Variants in ANKRD28 observed in about 807,000 individuals in gnomAD.
ANKRD28 encodes the protein serine/threonine-protein phosphatase 6 regulatory ankyrin repeat subunit A.
ANKRD28 carries 44 observed loss-of-function variants against 126.5 expected under a neutral mutation model. That is an observed-to-expected ratio of 0.35 (90% CI 0.27 to 0.45). The LOEUF is 0.45. ANKRD28 is among the 20% of genes least tolerant of loss of function. ANKRD28 has a pLI of 1.00. For synonymous variants in ANKRD28, 442 were observed against 468.5 expected (o/e 0.94, Z 0.73); for missense variants, 1,110 against 1,316.6 (o/e 0.84, Z 2.43).
At chr3:15,792,309 A>C (rs1207287974) in intron 2 of ANKRD28, among the ~76,000 whole-genome samples, 1 of 152,202 alleles carries the variant, frequency 6.6e-6, no homozygotes, top group Non-Finnish European at 1.5e-5. Context: ...TAACATTTGG[A>C]GGCAACCTAA....
intron 1 of ANKRD28, 81 bp from the exon 2 acceptor site, chr3:15,795,387 A>G (rs2060230479): frequency 2.1e-6 from 2 of 972,322 alleles, no homozygotes; most frequent in Non-Finnish European, 3.2e-6. Context: ...TCTGGAATCT[A>G]CAAGTTTTCT....
At chr3:15,700,439 G>A (rs1436266589) in intron 14 of ANKRD28, among the ~76,000 whole-genome samples, 1 of 147,562 alleles carries the variant, frequency 6.8e-6, no homozygotes, top group Non-Finnish European at 1.5e-5. Flanking sequence ...ATGTACCCTA[G>A]AACTTAAAAG....
At position 15,761,105 on chromosome 3, in the gene ANKRD28, G is replaced by A. The variant is rs149409549; in HGVS notation, c.280+5129C>T. On this transcript the variant is annotated intron_variant, in intron 3 of 27. Transcript: ENST00000683139. ...ATATAGAACTCTTGCTATGGATATC[G>A]CAGTAGTTTTTAAAATACAAAATTA... Among the ~76,000 whole-genome samples the A allele has an allele frequency of 2.9e-3, 434 of 152,112 alleles. 2 individuals are homozygous for A. Among genetic ancestry groups the A allele is most frequent in the Admixed American group, 7.5e-3 (114 of 15,284 alleles).
chr3:15,766,131 T>C (rs2058724638), intron 3 of ANKRD28, 103 bp downstream of exon 3: 4 of 821,132 alleles, frequency 4.9e-6, no homozygotes, highest in Non-Finnish European at 5.7e-6. Flanking sequence ...ATAAAACAAA[T>C]ATGAACAACA....
At chr3:15,781,218 C>A (rs1007100764) in intron 2 of ANKRD28, among the ~76,000 whole-genome samples, 2 of 151,934 alleles carry the variant, frequency 1.3e-5, no homozygotes, top group African/African-American at 2.4e-5. Flanking sequence ...AGGCAAAGGA[C>A]CTGTCATGAC....
At chr3:15,707,536 C>T (rs1382012828) in intron 14 of ANKRD28, among the ~76,000 whole-genome samples, 1 of 152,168 alleles carries the variant, frequency 6.6e-6, no homozygotes, top group Non-Finnish European at 1.5e-5. Context: ...TACTTGTATT[C>T]CAACCTCTAC....
intron 14 of ANKRD28, among the ~76,000 whole-genome samples, chr3:15,696,716 T>G (rs548343457): frequency 6.6e-6 from 1 of 152,158 alleles, no homozygotes; most frequent in Admixed American, 6.5e-5. Flanking sequence ...AGGTCAGAAC[T>G]CAATGAATCT....
chr3:15,790,789 C>G (rs1300388431), intron 2 of ANKRD28, among the ~76,000 whole-genome samples: 1 of 151,982 alleles, frequency 6.6e-6, no homozygotes, highest in Non-Finnish European at 1.5e-5. Context: ...TCCTATCTAG[C>G]TCAATCAGAC....
chr3:15,694,399 A>G (rs1289029117), intron 17 of ANKRD28, among the ~76,000 whole-genome samples: 1 of 152,178 alleles, frequency 6.6e-6, no homozygotes, highest in Non-Finnish European at 1.5e-5. Context: ...TAGCCAACTT[A>G]TAAGGCATTC....
chr3:15,793,882 A>G (rs181675044), intron 2 of ANKRD28, among the ~76,000 whole-genome samples: 1 of 152,214 alleles, frequency 6.6e-6, no homozygotes, highest in South Asian at 2.1e-4. Context: ...CCTGGCCAAC[A>G]TGGTGAATGA....
At chr3:15,822,136 G>A (rs2060956278) in intron 1 of ANKRD28, among the ~76,000 whole-genome samples, 1 of 152,216 alleles carries the variant, frequency 6.6e-6, no homozygotes, top group South Asian at 2.1e-4. Flanking sequence ...GAAGACTCAT[G>A]AAGACCCTAA....
intron 14 of ANKRD28, among the ~76,000 whole-genome samples, chr3:15,701,330 T>G (rs2070571032): frequency 6.6e-6 from 1 of 152,120 alleles, no homozygotes; most frequent in African/African-American, 2.4e-5. Context: ...CTAAAATTCT[T>G]TGGAGTCAAG....
At chr3:15,709,182 G>C (rs116242538) in intron 13 of ANKRD28, among the ~76,000 whole-genome samples, 42 of 152,248 alleles carry the variant, frequency 2.8e-4, no homozygotes, top group African/African-American at 9.6e-4. Flanking sequence ...ATGTGTGTGA[G>C]AGATTTATAT....
chr3:15,780,030 A>T (rs1169914322), intron 2 of ANKRD28, among the ~76,000 whole-genome samples: 1 of 152,186 alleles, frequency 6.6e-6, no homozygotes, highest in South Asian at 2.1e-4. Context: ...AATGCTGCCC[A>T]CCCTCACCAC....
chr3:15,699,546 AAAAC>A (rs2070227386), intron 14 of ANKRD28, among the ~76,000 whole-genome samples: 1 of 151,648 alleles, frequency 6.6e-6, no homozygotes, highest in African/African-American at 2.4e-5. Context: ...TCACAAGAAA[AAAAC>A]AACCCCATGA....
intron 4 of ANKRD28, among the ~76,000 whole-genome samples, chr3:15,738,972 A>T (rs570006577): frequency 1.3e-5 from 2 of 152,172 alleles, no homozygotes; most frequent in African/African-American, 2.4e-5. Flanking sequence ...GAATTCAGCG[A>T]TATTTCTCCT....
intron 1 of ANKRD28, among the ~76,000 whole-genome samples, chr3:15,848,943 T>A (rs1276393215): frequency 6.6e-6 from 1 of 152,124 alleles, no homozygotes; most frequent in Non-Finnish European, 1.5e-5. Flanking sequence ...GAAAATTATC[T>A]CTAGCCACTA....
chr3:15,766,183 G>C lies in ANKRD28; in HGVS notation c.280+51C>G, dbSNP rs2058728132. 14 of 1,414,984 alleles carry C rather than the reference G, an allele frequency of 9.9e-6. No homozygotes were observed. In the South Asian group the frequency reaches 1.6e-4, roughly 17 times the overall value. 87.7% of individuals were successfully genotyped at this position (1,414,984 alleles called of 1,614,324 possible). A position where few individuals can be genotyped will look rare whatever the true frequency, so the allele number is the denominator to read the frequency against. On this transcript the variant is annotated intron_variant, in intron 3 of 27. Coordinates refer to ENST00000683139, the MANE Select transcript of ANKRD28 (RefSeq NM_001349278.2). ...GTCAATTATGATTGAGAAACATTAA[G>C]AATAACAAAAATATACATAATGTGT...
chr3:15,679,883 T>C (rs1221482978), intron 21 of ANKRD28, among the ~76,000 whole-genome samples: 4 of 149,500 alleles, frequency 2.7e-5, no homozygotes, highest in Non-Finnish European at 4.4e-5. Context: ...TTTCTTGTCA[T>C]ATACCCTAAA....
Sources: allele counts gnomAD v4.1 joint callset (sites outside exome capture counted in the v4.1 genomes callset), GRCh38; gene constraint gnomAD v4.1.1; transcripts MANE v1.5; gene names NCBI Gene and HGNC (gene_info 2026-07-23, HGNC 2026-07-21).